The following MEIS1 variants were observed in gnomAD, a reference collection of about 807,000 sequenced individuals.
The protein encoded by MEIS1 is homeobox protein Meis1.
MEIS1 carries 5 observed loss-of-function variants against 50.8 expected under a neutral mutation model. That is an observed-to-expected ratio of 0.10 (90% CI 0.05 to 0.21). The LOEUF (loss-of-function observed/expected upper bound fraction) is 0.21. Among genes scored for constraint, MEIS1 ranks in the 10% least tolerant of loss-of-function variants. MEIS1 has a pLI of 1.00. For missense variants in MEIS1, 318 were observed against 517.3 expected (o/e 0.61, Z 3.74); for synonymous variants, 176 against 179.3 (o/e 0.98, Z 0.15).
intron 6 of MEIS1, chr2:66,443,268 C>G: frequency 1.9e-6 from 1 of 513,778 alleles, no homozygotes; most frequent in East Asian, 3.6e-5. Context: ...AAAAGCTTTG[C>G]TAGCAAACTT....
intron 8 of MEIS1, among the ~76,000 whole-genome samples, chr2:66,540,199 T>C (rs930046591): frequency 6.6e-6 from 1 of 152,236 alleles, no homozygotes; most frequent in Non-Finnish European, 1.5e-5. Context: ...GCATTTGTTG[T>C]ACTGACAAAT....
intron 8 of MEIS1, among the ~76,000 whole-genome samples, chr2:66,543,019 G>A (rs1289249202): frequency 6.6e-6 from 1 of 152,064 alleles, no homozygotes; most frequent in East Asian, 1.9e-4. Context: ...TCAATGTATT[G>A]TAAACTTGTA....
intron 9 of MEIS1, among the ~76,000 whole-genome samples, chr2:66,553,502 T>C (rs1437531027): frequency 6.6e-6 from 1 of 152,056 alleles, no homozygotes; most frequent in East Asian, 1.9e-4. Context: ...CATAAGAAAA[T>C]ATTGAAATCA....
intron 7 of MEIS1, among the ~76,000 whole-genome samples, chr2:66,505,671 A>T (rs1052261181): frequency 6.6e-6 from 1 of 152,238 alleles, no homozygotes; most frequent in African/African-American, 2.4e-5. Context: ...CTGGGAAAAA[A>T]TGCAGAAAGA....
chr2:66,527,247 G>T (rs1674274906), intron 8 of MEIS1, among the ~76,000 whole-genome samples: 1 of 152,126 alleles, frequency 6.6e-6, no homozygotes, highest in Non-Finnish European at 1.5e-5. Flanking sequence ...GGACAGAAAA[G>T]GTTAAAGATC....
intron 8 of MEIS1, among the ~76,000 whole-genome samples, chr2:66,535,709 T>C (rs529199127): frequency 6.6e-6 from 1 of 152,140 alleles, no homozygotes; most frequent in African/African-American, 2.4e-5. Flanking sequence ...CTTTCGGGAG[T>C]TGGAAAGGGT....
chr2:66,445,604 C>T lies in MEIS1; in HGVS notation c.630+2556C>T, dbSNP rs1672113339. On this transcript the variant is annotated intron_variant, in intron 6 of 12. Transcript: ENST00000272369. ...GGGCGCTTCTCGTGCTGTGAGAACG[C>T]TGGGCCTTGTTAGCTCATTAACCCC... Among the ~76,000 whole-genome samples, 3 of 152,170 alleles carry T rather than the reference C, an allele frequency of 2.0e-5. No homozygotes were observed. The South Asian group carries it at 6.2e-4, about 32-fold the overall frequency.
intron 7 of MEIS1, among the ~76,000 whole-genome samples, chr2:66,481,224 A>T (rs955478947): frequency 3.9e-4 from 60 of 152,300 alleles, no homozygotes; most frequent in African/African-American, 1.3e-3. Context: ...TCACTGAAGG[A>T]TGTGGCAAGG....
intron 7 of MEIS1, among the ~76,000 whole-genome samples, chr2:66,501,998 A>C (rs1673568364): frequency 6.6e-6 from 1 of 152,206 alleles, no homozygotes; most frequent in Admixed American, 6.5e-5. Flanking sequence ...AAGTGATAGA[A>C]GCTTAATTGA....
At chr2:66,481,131 C>A (rs1394620462) in intron 7 of MEIS1, among the ~76,000 whole-genome samples, 2 of 152,194 alleles carry the variant, frequency 1.3e-5, no homozygotes, top group African/African-American at 2.4e-5. Context: ...CAGGAGGGCA[C>A]CCAGGACATG....
intron 2 of MEIS1, chr2:66,439,371 G>C: frequency 8.0e-7 from 1 of 1,249,382 alleles, no homozygotes; most frequent in Non-Finnish European, 1.0e-6. Flanking sequence ...AGTTAGCTGA[G>C]CGCCTGCCAC....
intron 8 of MEIS1, among the ~76,000 whole-genome samples, chr2:66,523,023 T>C (rs1674163215): frequency 6.6e-6 from 1 of 152,206 alleles, no homozygotes; most frequent in Non-Finnish European, 1.5e-5. Flanking sequence ...TTAAGCATGT[T>C]ACATATACCT....
chr2:66,571,183 G>A, intron 12 of MEIS1, 63 bp from the exon 13 acceptor site: 3 of 1,510,460 alleles, frequency 2.0e-6, no homozygotes, highest in Non-Finnish European at 2.7e-6. Context: ...GTCATAGCCA[G>A]GACCACACTA....
chr2:66,507,800 C>A (rs186157738), intron 7 of MEIS1, among the ~76,000 whole-genome samples: 66 of 152,324 alleles, frequency 4.3e-4, no homozygotes, highest in African/African-American at 1.6e-3. Context: ...CACGAGATAG[C>A]ACAGTCTAAA....
chr2:66,550,132 A>G (rs987289222), intron 9 of MEIS1, among the ~76,000 whole-genome samples: 1 of 152,208 alleles, frequency 6.6e-6, no homozygotes, highest in African/African-American at 2.4e-5. Flanking sequence ...TCACACTGCT[A>G]TTCAATTCTG....
At chr2:66,562,985 T>C (rs1210874618) in intron 9 of MEIS1, among the ~76,000 whole-genome samples, 1 of 152,186 alleles carries the variant, frequency 6.6e-6, no homozygotes, top group Non-Finnish European at 1.5e-5. Flanking sequence ...ATTTACTTTT[T>C]CAAGAATCCC....
At chr2:66,539,884 G>A (rs1222892387) in intron 8 of MEIS1, among the ~76,000 whole-genome samples, 1 of 152,164 alleles carries the variant, frequency 6.6e-6, no homozygotes. Context: ...AGGTAGGAGT[G>A]GAGGAGCAGG....
chr2:66,462,396 A>T (rs561619056), intron 6 of MEIS1, among the ~76,000 whole-genome samples: 1 of 152,326 alleles, frequency 6.6e-6, no homozygotes, highest in African/African-American at 2.4e-5. Flanking sequence ...GCAGCCTCCC[A>T]CATGTCTTGC....
intron 9 of MEIS1, among the ~76,000 whole-genome samples, chr2:66,561,659 C>T (rs908685465): frequency 3.3e-5 from 5 of 152,202 alleles, no homozygotes; most frequent in African/African-American, 1.2e-4. Flanking sequence ...GAAGGCATTG[C>T]CACTAATCAA....
Sources: gnomAD v4.1 joint callset for allele counts (sites outside exome capture counted in the v4.1 genomes callset) on GRCh38, gnomAD v4.1.1 for gene constraint, MANE v1.5 for transcripts, NCBI Gene and HGNC (gene_info 2026-07-23, HGNC 2026-07-21) for gene names.